KPNA4: variants seen among roughly 807,000 people sequenced by gnomAD.
The protein encoded by KPNA4 is importin subunit alpha-3.
A neutral mutation model predicts 71.3 loss-of-function variants in KPNA4; 13 were observed. The ratio of observed to expected loss-of-function variants is 0.18; its 90% confidence interval spans 0.12 to 0.29. The LOEUF (loss-of-function observed/expected upper bound fraction) is 0.29, where lower values mean the gene tolerates loss of function less well. Ranked by LOEUF, KPNA4 falls within the 10% of genes least tolerant of loss-of-function variation. The probability of loss-of-function intolerance (pLI) is 1.00; values close to 1 mark genes in which losing one functional copy is unlikely to be tolerated. For synonymous variants in KPNA4, 189 were observed against 195.2 expected (o/e 0.97, Z 0.26); for missense variants, 334 against 603.2 (o/e 0.55, Z 4.67).
intron 1 of KPNA4, among the ~76,000 whole-genome samples, chr3:160,543,086 T>C (rs1004099432): frequency 8.5e-6 from 1 of 117,566 alleles, no homozygotes; most frequent in Non-Finnish European, 2.1e-5. Flanking sequence ...GGGAAAAATC[T>C]GAATTCCCAG....
At chr3:160,509,696 T>C in intron 14 of KPNA4, 104 bp downstream of exon 14, 1 of 861,202 alleles carries the variant, frequency 1.2e-6, no homozygotes, top group Non-Finnish European at 1.9e-6. Context: ...CCTCCCAGGG[T>C]GTTGCTATTA....
At chr3:160,521,156 G>A (rs1336707732) in intron 11 of KPNA4, among the ~76,000 whole-genome samples, 1 of 152,014 alleles carries the variant, frequency 6.6e-6, no homozygotes, top group Non-Finnish European at 1.5e-5. Context: ...GAGTAAATAA[G>A]GATGGTTGGC....
In KPNA4 at chr3:160,527,975, C is replaced by T. The variant is rs1577053708; in HGVS notation, c.534G>A (p.Val178=). The change falls in exon 8 of 17, where the codon GTG becomes GTA. Residue 178 remains valine (V), a synonymous_variant. Coordinates refer to ENST00000334256, the MANE Select transcript of KPNA4 (RefSeq NM_002268.5). The part of the protein sequence containing the change: ...SPHQNVCEQA[V]WALGNIIGDG... The stretch of plus-strand genomic sequence containing the variant: ...AACCTATGATATTTCCCAATGCCCA[C>T]ACTGCTTGCTCACAGACATTCTGAT... 1.2e-6 allele frequency: 2 copies of T among 1,612,138 alleles called. No homozygotes were observed. Among genetic ancestry groups the T allele is most frequent in the Non-Finnish European group, 1.7e-6 (2 of 1,178,784 alleles).
Position 160,502,227 on chromosome 3 carries a change from T to C in KPNA4, c.1468-25A>G. 3.8e-6 allele frequency: 5 copies of C among 1,300,956 alleles called. No homozygotes were observed. In the South Asian group the frequency reaches 5.7e-5, roughly 15 times the overall value. 80.6% of individuals were successfully genotyped at this position (1,300,956 alleles called of 1,614,324 possible). On this transcript the variant is annotated intron_variant, in intron 16 of 16. Coordinates refer to ENST00000334256, the MANE Select transcript of KPNA4 (RefSeq NM_002268.5). ...TCTAGGTGAAAAAAAAGAAAAAGAA[T>C]GTGATAATTAGTTTTAAAATATATA... is the stretch of plus-strand genomic sequence containing the variant.
chr3:160,554,729 A>G (rs1722103814), intron 1 of KPNA4, among the ~76,000 whole-genome samples: 1 of 152,218 alleles, frequency 6.6e-6, no homozygotes, highest in Admixed American at 6.5e-5. Flanking sequence ...AATCATGCCT[A>G]CATTATGAAG....
chr3:160,551,036 C>T (rs1054399914), intron 1 of KPNA4, among the ~76,000 whole-genome samples: 17 of 150,824 alleles, frequency 1.1e-4, no homozygotes, highest in African/African-American at 4.2e-4. Flanking sequence ...GGAACTCTTC[C>T]ATCTTTTGAA....
intron 15 of KPNA4, 135 bp downstream of exon 15, chr3:160,507,972 G>C: frequency 1.5e-6 from 1 of 665,426 alleles, no homozygotes; most frequent in Non-Finnish European, 2.4e-6. Flanking sequence ...TGCACATATA[G>C]AATACAATAT....
intron 11 of KPNA4, among the ~76,000 whole-genome samples, chr3:160,515,952 T>C (rs1160506754): frequency 1.3e-5 from 2 of 151,994 alleles, no homozygotes; most frequent in Non-Finnish European, 2.9e-5. Flanking sequence ...AGGTACCTTA[T>C]AAAAGACAAA....
chr3:160,543,737 T>C (rs1409995420), intron 1 of KPNA4, among the ~76,000 whole-genome samples: 2 of 152,232 alleles, frequency 1.3e-5, no homozygotes, highest in Non-Finnish European at 2.9e-5. Flanking sequence ...GAAAAAGTCA[T>C]AACTCAAAAT....
chr3:160,562,056 C>T (rs1452404198), intron 1 of KPNA4, among the ~76,000 whole-genome samples: 1 of 152,120 alleles, frequency 6.6e-6, no homozygotes, highest in Non-Finnish European at 1.5e-5. Flanking sequence ...ACTCTGTATT[C>T]TTCATCATTT....
chr3:160,534,718 G>GAAAGAAAAAAA (rs1721648049), intron 5 of KPNA4, among the ~76,000 whole-genome samples: 1 of 73,138 alleles, frequency 1.4e-5, no homozygotes, highest in African/African-American at 5.3e-5. Context: ...CTCCATCTCA[G>GAAAGAAAAAAA]AAAAAAAAAA....
At chr3:160,515,023 T>C (rs1343555922) in intron 12 of KPNA4, 1 of 519,164 alleles carries the variant, frequency 1.9e-6, no homozygotes, top group Non-Finnish European at 3.8e-6. Flanking sequence ...CAACAACCCA[T>C]GTTATTTCTA....
intron 15 of KPNA4, among the ~76,000 whole-genome samples, chr3:160,505,927 A>C (rs1011601161): frequency 6.6e-6 from 1 of 152,188 alleles, no homozygotes; most frequent in African/African-American, 2.4e-5. Flanking sequence ...ACTGTCCAAA[A>C]CACAATTTGT....
chr3:160,551,251 T>C (rs1020026504), intron 1 of KPNA4, among the ~76,000 whole-genome samples: 3 of 152,342 alleles, frequency 2.0e-5, no homozygotes, highest in South Asian at 2.1e-4. Flanking sequence ...GTTATCCAAG[T>C]TGTTGGCATA....
At chr3:160,520,161 A>C (rs1050570975) in intron 11 of KPNA4, among the ~76,000 whole-genome samples, 9 of 152,206 alleles carry the variant, frequency 5.9e-5, no homozygotes, top group Non-Finnish European at 8.8e-5. Context: ...AGACATAAGT[A>C]CCACACAAAA....
At chr3:160,541,902 C>T (rs947529766) in intron 1 of KPNA4, among the ~76,000 whole-genome samples, 1 of 152,078 alleles carries the variant, frequency 6.6e-6, no homozygotes, top group African/African-American at 2.4e-5. Flanking sequence ...ACAGCAAGTG[C>T]CAAACACCAT....
chr3:160,543,861 CTT>C (rs151274621), intron 1 of KPNA4, among the ~76,000 whole-genome samples: 2 of 148,770 alleles, frequency 1.3e-5, no homozygotes, highest in South Asian at 4.3e-4. Flanking sequence ...AATCCTTGAC[CTT>C]TTTTTTTTCC....
chr3:160,548,733 C>A (rs968893417), intron 1 of KPNA4, among the ~76,000 whole-genome samples: 2 of 152,158 alleles, frequency 1.3e-5, no homozygotes, highest in Non-Finnish European at 2.9e-5. Flanking sequence ...TTGGATACTG[C>A]AAATGCTGCT....
chr3:160,553,985 A>AT (rs1722088941), intron 1 of KPNA4, among the ~76,000 whole-genome samples: 1 of 152,252 alleles, frequency 6.6e-6, no homozygotes, highest in African/African-American at 2.4e-5. Context: ...TGTAAACTTC[A>AT]TAAGAATAGG....
Sources: allele counts gnomAD v4.1 joint callset (sites outside exome capture counted in the v4.1 genomes callset), GRCh38; gene constraint gnomAD v4.1.1; transcripts MANE v1.5; gene names NCBI Gene and HGNC (gene_info 2026-07-23, HGNC 2026-07-21).